The following OPCML variants were observed in gnomAD, a reference collection of about 807,000 sequenced individuals.
OPCML encodes opioid binding protein/cell adhesion molecule like.
Under a neutral mutation model 37.8 loss-of-function variants are expected in OPCML, and 13 were observed. The ratio of observed to expected loss-of-function variants is 0.34; its 90% CI spans 0.22 to 0.55. The LOEUF (loss-of-function observed/expected upper bound fraction) is 0.55, where lower values mean the gene tolerates loss of function less well. OPCML is among the 20% of genes least tolerant of loss of function. The probability of loss-of-function intolerance (pLI) is 0.91; values close to 1 mark genes in which losing one functional copy is unlikely to be tolerated. For synonymous variants in OPCML, 176 were observed against 168.8 expected (o/e 1.04, Z -0.33); for missense variants, 341 against 435.6 (o/e 0.78, Z 1.93).
intron 2 of OPCML, among the ~76,000 whole-genome samples, chr11:132,712,563 C>G (rs918759914): frequency 1.3e-5 from 2 of 152,202 alleles, no homozygotes; most frequent in African/African-American, 4.8e-5. Context: ...ACTCCCACCC[C>G]AAGAACATGG....
chr11:133,106,291 T>C (rs1949156189), intron 1 of OPCML, among the ~76,000 whole-genome samples: 1 of 152,192 alleles, frequency 6.6e-6, no homozygotes, highest in Admixed American at 6.5e-5. Context: ...GCTCACGCTG[T>C]CCATTTGGGC....
At chr11:132,736,388 G>C (rs528186695) in intron 2 of OPCML, among the ~76,000 whole-genome samples, 1 of 152,142 alleles carries the variant, frequency 6.6e-6, no homozygotes, top group African/African-American at 2.4e-5. Flanking sequence ...GCTTTGGGAG[G>C]GGGTAAGTGC....
chr11:132,984,200 A>G (rs1475485610), intron 1 of OPCML, among the ~76,000 whole-genome samples: 1 of 152,230 alleles, frequency 6.6e-6, no homozygotes, highest in Admixed American at 6.5e-5. Context: ...CCCAAGGCTT[A>G]GGTCTGCTGA....
intron 1 of OPCML, among the ~76,000 whole-genome samples, chr11:133,457,562 T>G (rs974224800): frequency 6.6e-6 from 1 of 151,868 alleles, no homozygotes; most frequent in Non-Finnish European, 1.5e-5. Context: ...TATTTTTTTA[T>G]GTTTTTATGT....
chr11:132,844,053 G>A (rs143102545), intron 2 of OPCML, among the ~76,000 whole-genome samples: 90 of 152,270 alleles, frequency 5.9e-4, no homozygotes, highest in African/African-American at 2.0e-3. Context: ...AGATCTGATG[G>A]TTTTATAAGG....
At chr11:133,423,430 A>G (rs549068166) in intron 1 of OPCML, 893 of 985,410 alleles carry the variant, frequency 9.1e-4, no homozygotes, top group Non-Finnish European at 1.0e-3. Context: ...TTCCGCCTGC[A>G]ATGCATCTGC....
At chr11:132,614,513 C>T (rs1388494629) in intron 3 of OPCML, among the ~76,000 whole-genome samples, 2 of 152,098 alleles carry the variant, frequency 1.3e-5, no homozygotes, top group Admixed American at 1.3e-4. Flanking sequence ...CATGTTATAC[C>T]GCTTGTGTGT....
At chr11:133,049,471 C>G (rs1036767733) in intron 1 of OPCML, among the ~76,000 whole-genome samples, 3 of 152,172 alleles carry the variant, frequency 2.0e-5, no homozygotes, top group Non-Finnish European at 4.4e-5. Flanking sequence ...AACTTGACTT[C>G]TATGGCCCTT....
At chr11:133,234,678 A>T (rs935240786) in intron 1 of OPCML, among the ~76,000 whole-genome samples, 1 of 152,214 alleles carries the variant, frequency 6.6e-6, no homozygotes, top group Non-Finnish European at 1.5e-5. Flanking sequence ...TAGTTATTGA[A>T]TCACTCTTCA....
chr11:132,632,571 C>T lies in OPCML; in HGVS notation c.379+24516G>A, dbSNP rs140231376. 6.8e-3 allele frequency among the ~76,000 whole-genome samples: 1,038 copies of T among 152,194 alleles called. 14 individuals are homozygous for T. The highest frequency in any genetic ancestry group is 0.023 in the African/African-American group (963 of 41,522). On this transcript the variant is annotated intron_variant, in intron 3 of 7. Transcript: ENST00000524381. The stretch of plus-strand genomic sequence containing the variant: ...TGATTCTCAGGATATCATCCTATCT[C>T]CACGCAACACAATGTCGCCGCAGAG...
intron 1 of OPCML, among the ~76,000 whole-genome samples, chr11:133,344,636 T>G (rs1943955280): frequency 6.6e-6 from 1 of 152,140 alleles, no homozygotes; most frequent in South Asian, 2.1e-4. Flanking sequence ...CTCCTACTTC[T>G]CTCTTTTTGA....
intron 2 of OPCML, among the ~76,000 whole-genome samples, chr11:132,841,001 G>A (rs1941262958): frequency 6.6e-6 from 1 of 152,260 alleles, no homozygotes; most frequent in South Asian, 2.1e-4. Context: ...GGGATGTTCT[G>A]TAACTTCTCT....
intron 1 of OPCML, among the ~76,000 whole-genome samples, chr11:133,329,238 C>T (rs895932680): frequency 7.9e-5 from 12 of 152,146 alleles, no homozygotes; most frequent in Admixed American, 3.9e-4. Flanking sequence ...GAATCAATAT[C>T]GTGAGAATGG....
intron 1 of OPCML, among the ~76,000 whole-genome samples, chr11:133,382,160 G>A (rs1289517386): frequency 6.6e-6 from 1 of 152,182 alleles, no homozygotes; most frequent in East Asian, 1.9e-4. Flanking sequence ...TTACTGTTTT[G>A]GTCTTTTACA....
chr11:132,978,795 A>T (rs1292527290), intron 1 of OPCML, among the ~76,000 whole-genome samples: 2 of 151,906 alleles, frequency 1.3e-5, no homozygotes, highest in African/African-American at 4.8e-5. Flanking sequence ...TGTAGATTAT[A>T]CATGTGTATA....
chr11:133,231,782 A>G (rs1940289516), intron 1 of OPCML, among the ~76,000 whole-genome samples: 1 of 152,220 alleles, frequency 6.6e-6, no homozygotes, highest in Non-Finnish European at 1.5e-5. Context: ...ATGAGACCAC[A>G]CATGTAAAGA....
chr11:133,015,550 A>T (rs1400129466), intron 1 of OPCML, among the ~76,000 whole-genome samples: 2 of 152,172 alleles, frequency 1.3e-5, no homozygotes, highest in African/African-American at 4.8e-5. Flanking sequence ...ACCCATAATT[A>T]TACTTAATCC....
chr11:133,028,461 T>C (rs137869879), intron 1 of OPCML, among the ~76,000 whole-genome samples: 131 of 151,938 alleles, frequency 8.6e-4, no homozygotes, highest in African/African-American at 3.0e-3. Context: ...AGTACACACA[T>C]TGCTTAGAGT....
At chr11:133,104,488 T>G (rs1052405149) in intron 1 of OPCML, among the ~76,000 whole-genome samples, 3 of 152,250 alleles carry the variant, frequency 2.0e-5, no homozygotes, top group Non-Finnish European at 2.9e-5. Flanking sequence ...CCCAATTTTT[T>G]GGGCATTTCT....
Sources: allele counts gnomAD v4.1 joint callset (sites outside exome capture counted in the v4.1 genomes callset), GRCh38; gene constraint gnomAD v4.1.1; transcripts MANE v1.5; gene names NCBI Gene and HGNC (gene_info 2026-07-23, HGNC 2026-07-21).